Variants in DLAT observed in about 807,000 individuals in gnomAD.
DLAT encodes the protein dihydrolipoamide S-acetyltransferase, also known as dihydrolipoyllysine-residue acetyltransferase component of pyruvate dehydrogenase complex, mitochondrial.
DLAT carries 43 observed loss-of-function variants against 68.0 expected under a neutral mutation model. The ratio of observed to expected loss-of-function variants is 0.63; its 90% CI spans 0.50 to 0.81. The LOEUF (loss-of-function observed/expected upper bound fraction) is 0.81, where lower values mean the gene tolerates loss of function less well. DLAT is among the 40% of genes least tolerant of loss of function. The probability of loss-of-function intolerance (pLI) is 0.00; values close to 1 mark genes in which losing one functional copy is unlikely to be tolerated. For synonymous variants in DLAT, 265 were observed against 288.6 expected (o/e 0.92, Z 0.83); for missense variants, 745 against 815.4 (o/e 0.91, Z 1.05).
intron 5 of DLAT, among the ~76,000 whole-genome samples, chr11:112,036,163 A>ATGTGTGTG (rs1862725811): frequency 9.8e-6 from 1 of 101,980 alleles, no homozygotes; most frequent in African/African-American, 4.3e-5. Flanking sequence ...ATGTGTGTGT[A>ATGTGTGTG]TATATGTGTG....
intron 2 of DLAT, 46 bp downstream of exon 2, chr11:112,026,345 T>A (rs1200709531): frequency 9.1e-7 from 1 of 1,102,352 alleles, no homozygotes; most frequent in Non-Finnish European, 1.2e-6. Context: ...ATTTTTTTTA[T>A]TGATCATTCT....
In DLAT at chr11:112,042,967, A is replaced by G. The variant is rs896862213; in HGVS notation, c.1130-499A>G. On this transcript the variant is annotated intron_variant, in intron 7 of 13. Coordinates refer to ENST00000280346, the MANE Select transcript of DLAT (RefSeq NM_001931.5). Reference sequence around the variant, plus strand: ...TTGATTTGTCAAAACAATTATTGTTATACCTGTAAATTCTGTATAAAAGGA... The same window carrying G: ...TTGATTTGTCAAAACAATTATTGTTGTACCTGTAAATTCTGTATAAAAGGA... 3.3e-5 allele frequency among the ~76,000 whole-genome samples: 5 copies of G among 152,244 alleles called. No homozygotes were observed. The East Asian group carries it at 5.8e-4, about 18-fold the overall frequency.
At chr11:112,060,647 G>A (rs1463462563) in intron 12 of DLAT, among the ~76,000 whole-genome samples, 1 of 151,860 alleles carries the variant, frequency 6.6e-6, no homozygotes, top group Non-Finnish European at 1.5e-5. Flanking sequence ...TATGTTTTTA[G>A]TAGTGTCGGG....
chr11:112,029,412 C>T (rs1228567667), intron 4 of DLAT, among the ~76,000 whole-genome samples: 1 of 152,022 alleles, frequency 6.6e-6, no homozygotes. Flanking sequence ...CTCTTGTGGC[C>T]ACAGGAAGCT....
rs781893556 is a variant in DLAT at position 112,060,040 on chromosome 11, G to GT, written c.1653dup (p.Lys552Ter). ...TCTTTAGCAACCAAAGCAAGAGAGG[G>GT]TAAACTACAGCCACATGAATTCCAG... On this transcript the variant is annotated frameshift_variant, in exon 12 of 14. Transcript: ENST00000280346. LOFTEE classifies it high-confidence loss of function. 6.2e-7 allele frequency: 1 copy of GT among 1,613,744 alleles called. No homozygotes were observed. Among genetic ancestry groups the GT allele is most frequent in the Non-Finnish European group, 8.5e-7 (1 of 1,179,876 alleles).
intron 11 of DLAT, among the ~76,000 whole-genome samples, chr11:112,057,063 C>T (rs1864138675): frequency 6.6e-6 from 1 of 152,118 alleles, no homozygotes; most frequent in South Asian, 2.1e-4. Flanking sequence ...GTTATGGTGA[C>T]CTGTGATCAA....
intron 11 of DLAT, 31 bp from the exon 12 acceptor site, chr11:112,059,872 T>A: frequency 6.6e-7 from 1 of 1,524,148 alleles, no homozygotes; most frequent in East Asian, 2.5e-5. Context: ...ATAAACAGTT[T>A]TTTATTATAT....
At chr11:112,044,051 G>A (rs1555181225) in intron 8 of DLAT, among the ~76,000 whole-genome samples, 1 of 152,188 alleles carries the variant, frequency 6.6e-6, no homozygotes, top group Admixed American at 6.5e-5. Flanking sequence ...CAAGATCAAA[G>A]ATGATATACT....
At chr11:112,046,374 G>A (rs1205339553) in intron 10 of DLAT, among the ~76,000 whole-genome samples, 4 of 151,194 alleles carry the variant, frequency 2.6e-5, no homozygotes, top group African/African-American at 4.9e-5. Flanking sequence ...TTTCCCCATC[G>A]AATTGTCTTG....
chr11:112,052,846 G>T (rs934337537), intron 11 of DLAT, among the ~76,000 whole-genome samples: 1 of 151,868 alleles, frequency 6.6e-6, no homozygotes, highest in African/African-American at 2.4e-5. Context: ...AGTGACTGGC[G>T]CCATCCCGAG....
At chr11:112,030,054 G>A in intron 4 of DLAT, 1 of 955,276 alleles carries the variant, frequency 1.0e-6, no homozygotes, top group Non-Finnish European at 1.7e-6. Context: ...GCCTGGAGCT[G>A]AGTGTCTAAG....
At chr11:112,041,951 GA>G (rs1855500048) in intron 7 of DLAT, among the ~76,000 whole-genome samples, 1 of 151,868 alleles carries the variant, frequency 6.6e-6, no homozygotes, top group African/African-American at 2.4e-5. Context: ...GATGAGATTG[GA>G]AAAAAACAGG....
chr11:112,051,600 G>C lies in DLAT; in HGVS notation c.1514+251G>C, dbSNP rs782354441. On this transcript the variant is annotated intron_variant, in intron 11 of 13. Coordinates refer to ENST00000280346, the MANE Select transcript of DLAT (RefSeq NM_001931.5). The surrounding 1 kb of genome is among the most constrained non-coding windows in gnomAD (Gnocchi z 4.3). Reference sequence around the variant, plus strand: ...TTGTTGTTGATTTATTTTTTAAAGAGATAGGGTCTTGCTCTGTTGTCCAGG... The same window carrying C: ...TTGTTGTTGATTTATTTTTTAAAGACATAGGGTCTTGCTCTGTTGTCCAGG... Among the ~76,000 whole-genome samples the C allele has an allele frequency of 2.0e-5, 3 of 152,070 alleles. No homozygotes were observed. The highest frequency in any genetic ancestry group is 4.4e-5 in the Non-Finnish European group (3 of 68,012).
At chr11:112,040,579 A>G (rs1417586493) in intron 7 of DLAT, among the ~76,000 whole-genome samples, 3 of 152,124 alleles carry the variant, frequency 2.0e-5, no homozygotes, top group Non-Finnish European at 4.4e-5. Flanking sequence ...CGTATCTGCA[A>G]TTTGCTATCT....
In DLAT at chr11:112,059,229, T is replaced by G. The variant is rs114738224; in HGVS notation, c.1515-674T>G. On this transcript the variant is annotated intron_variant, in intron 11 of 13. Coordinates refer to ENST00000280346, the MANE Select transcript of DLAT (RefSeq NM_001931.5). ...GCAGCCAATGTACGTCCACTCAAAA[T>G]CCAAGGAGTTCTGATTGGTGGGGTT... Among the ~76,000 whole-genome samples the G allele has an allele frequency of 4.2e-3, 646 of 152,156 alleles. 2 individuals carry two copies. The highest frequency in any genetic ancestry group is 0.014 in the African/African-American group (595 of 41,512).
chr11:112,036,984 G>C, intron 5 of DLAT: 1 of 393,794 alleles, frequency 2.5e-6, no homozygotes, highest in South Asian at 3.0e-5. Flanking sequence ...TTATTGAACA[G>C]ATTTTTATTT....
At chr11:112,037,857 A>G (rs1400727164) in intron 6 of DLAT, among the ~76,000 whole-genome samples, 12 of 149,670 alleles carry the variant, frequency 8.0e-5, no homozygotes, top group African/African-American at 2.7e-4. Context: ...AGCTCACTTC[A>G]TTGCCCATTT....
At chr11:112,037,506 C>T (rs1235621520) in intron 6 of DLAT, 46 bp downstream of exon 6, 1 of 1,587,672 alleles carries the variant, frequency 6.3e-7, no homozygotes, top group African/African-American at 1.3e-5. Flanking sequence ...TTGTTCATCT[C>T]TAAATTAAGG....
At chr11:112,036,167 A>ATGTGTGTGTGTGTGTG (rs1311809853) in intron 5 of DLAT, among the ~76,000 whole-genome samples, 1 of 82,540 alleles carries the variant, frequency 1.2e-5, no homozygotes, top group Non-Finnish European at 2.1e-5. Flanking sequence ...GTGTGTATAT[A>ATGTGTGTGTGTGTGTG]TGTGTGTGTG....
Sources: gnomAD v4.1 joint callset for allele counts (sites outside exome capture counted in the v4.1 genomes callset) on GRCh38, gnomAD v4.1.1 for gene constraint, Gnocchi (gnomAD v3.1) non-coding constraint, MANE v1.5 for transcripts, NCBI Gene and HGNC (gene_info 2026-07-23, HGNC 2026-07-21) for gene names.